The following TTC1 variants were observed in gnomAD, a reference collection of about 807,000 sequenced individuals.
TTC1 encodes tetratricopeptide repeat protein 1.
In TTC1, 31 loss-of-function variants were observed where a neutral mutation model predicts 37.6. That is an observed-to-expected ratio of 0.82 (90% CI 0.62 to 1.11). TTC1 has a LOEUF of 1.11. TTC1 is among the 50% of genes most tolerant of loss of function. The probability of loss-of-function intolerance (pLI) is 0.00; values close to 1 mark genes in which losing one functional copy is unlikely to be tolerated. For missense variants in TTC1, 351 were observed against 339.0 expected (o/e 1.04, Z -0.28); for synonymous variants, 127 against 122.4 (o/e 1.04, Z -0.25).
chr5:160,036,847 G>A (rs1335200745), intron 4 of TTC1, 44 bp downstream of exon 4: 3 of 1,397,692 alleles, frequency 2.1e-6, no homozygotes, highest in East Asian at 2.3e-5. Context: ...ACATGGACTT[G>A]CAGTCTTTTC....
intron 2 of TTC1, among the ~76,000 whole-genome samples, chr5:160,020,214 T>C (rs1756681462): frequency 1.3e-5 from 2 of 152,222 alleles, no homozygotes; most frequent in Non-Finnish European, 2.9e-5. Flanking sequence ...ATAGGCATCC[T>C]TTGGAACTAA....
intron 3 of TTC1, 111 bp from the exon 4 acceptor site, chr5:160,036,580 A>T: frequency 1.4e-6 from 1 of 715,986 alleles, no homozygotes; most frequent in Non-Finnish European, 2.4e-6. Context: ...CCATCTTTTA[A>T]CTCAAAACCT....
At position 160,038,315 on chromosome 5, in the gene TTC1, T is replaced by C. The variant is rs559977259; in HGVS notation, c.504+1512T>C. On this transcript the variant is annotated intron_variant, in intron 4 of 7. Coordinates refer to ENST00000231238, the MANE Select transcript of TTC1 (RefSeq NM_003314.3). ...CAGTTTTTACACTTACCTGGAAAAT[T>C]CTGATCTTTTAGATTTGCTTCTCCC... Among the ~76,000 whole-genome samples, 3 of 152,354 alleles carry C rather than the reference T, an allele frequency of 2.0e-5. No individual in the cohort carries two copies. In the South Asian group the frequency reaches 6.2e-4, roughly 32 times the overall value.
intron 7 of TTC1, among the ~76,000 whole-genome samples, chr5:160,052,529 C>T (rs1464086539): frequency 4.1e-5 from 4 of 96,792 alleles, no homozygotes; most frequent in African/African-American, 1.2e-4. Context: ...TTTTTACTAA[C>T]AATGATGCTC....
chr5:160,010,308 G>A (rs1033452851), intron 1 of TTC1, among the ~76,000 whole-genome samples, 192 bp from the exon 2 acceptor site: 1 of 148,604 alleles, frequency 6.7e-6, no homozygotes, highest in African/African-American at 2.5e-5. Context: ...GACCAGAAAA[G>A]GGGTCTCAGT....
At chr5:160,058,272 C>T (rs1343733093) in intron 7 of TTC1, among the ~76,000 whole-genome samples, 1 of 152,234 alleles carries the variant, frequency 6.6e-6, no homozygotes, top group Non-Finnish European at 1.5e-5. Context: ...ATTGTCACCA[C>T]ATCTGCAGCA....
Position 160,014,315 on chromosome 5 carries a change from G to A in TTC1, c.330+3457G>A, listed in dbSNP as rs182241898. Among the ~76,000 whole-genome samples, 402 of 151,960 alleles carry A rather than the reference G, an allele frequency of 2.6e-3. 1 individual carries two copies. The highest frequency in any genetic ancestry group is 9.2e-3 in the African/African-American group (379 of 41,390). On this transcript the variant is annotated intron_variant, in intron 2 of 7. Coordinates refer to ENST00000231238, the MANE Select transcript of TTC1 (RefSeq NM_003314.3). The stretch of plus-strand genomic sequence containing the variant: ...CGAGGTTGCAGTGAGCCGAGATTGG[G>A]CCATTGCACTCCAGCCTGGGAGACA...
intron 4 of TTC1, 30 bp from the exon 5 acceptor site, chr5:160,043,103 A>G: frequency 6.2e-7 from 1 of 1,610,762 alleles, no homozygotes; most frequent in Non-Finnish European, 8.5e-7. Context: ...AAACTAGGGC[A>G]ACACATATTA....
chr5:160,041,310 TTTC>T (rs1462028936), intron 4 of TTC1, among the ~76,000 whole-genome samples: 1 of 143,256 alleles, frequency 7.0e-6, no homozygotes, highest in Non-Finnish European at 1.6e-5. Flanking sequence ...TTATGCTTTC[TTTC>T]TTTTTTTTTT....
intron 4 of TTC1, 91 bp downstream of exon 4, chr5:160,036,894 T>C: frequency 1.2e-6 from 1 of 865,848 alleles, no homozygotes; most frequent in East Asian, 2.6e-5. Flanking sequence ...GCATAGAGGT[T>C]GCTGCCTCCC....
chr5:160,044,391 G>A (rs1263976631), intron 5 of TTC1, among the ~76,000 whole-genome samples: 1 of 152,176 alleles, frequency 6.6e-6, no homozygotes, highest in Non-Finnish European at 1.5e-5. Context: ...GCAGCAATGT[G>A]GGCTGCTCAG....
chr5:160,009,442 G>C (rs193165242), intron 1 of TTC1, among the ~76,000 whole-genome samples: 23 of 152,210 alleles, frequency 1.5e-4, no homozygotes, highest in African/African-American at 5.5e-4. Flanking sequence ...CGTGATACAA[G>C]GGTCGTTGGC....
At chr5:160,011,100 A>G (rs1400564459) in intron 2 of TTC1, among the ~76,000 whole-genome samples, 1 of 152,230 alleles carries the variant, frequency 6.6e-6, no homozygotes, top group Non-Finnish European at 1.5e-5. Flanking sequence ...TTCATCTTGT[A>G]CTTCAGGAGT....
At position 160,065,067 on chromosome 5, in the gene TTC1, A is replaced by G; in HGVS notation, c.*2A>G. 1 of 1,608,392 alleles carries G rather than the reference A, an allele frequency of 6.2e-7. No homozygotes were observed. The highest frequency in any genetic ancestry group is 8.5e-7 in the Non-Finnish European group (1 of 1,178,846). ...CAAAATCCAAATAATAACAGATAACAAAGATAACAAAAGCTTTACAAGCTG... is the reference window on the plus strand; with the variant it reads ...CAAAATCCAAATAATAACAGATAACGAAGATAACAAAAGCTTTACAAGCTG... On this transcript the variant is annotated 3_prime_UTR_variant, in exon 8 of 8. Coordinates refer to ENST00000231238, the MANE Select transcript of TTC1 (RefSeq NM_003314.3).
In TTC1 at chr5:160,059,092, G is replaced by A. The variant is rs986571047; in HGVS notation, c.746-5840G>A. On this transcript the variant is annotated intron_variant, in intron 7 of 7. Coordinates refer to ENST00000231238, the MANE Select transcript of TTC1 (RefSeq NM_003314.3). ...ACTTAAAGTCACCAGCTGTATTATC[G>A]CCTAACAAGAGAGTCAGCCTATCCT... is the stretch of plus-strand genomic sequence containing the variant. 6.6e-5 allele frequency among the ~76,000 whole-genome samples: 10 copies of A among 152,046 alleles called. No homozygotes were observed. In the East Asian group the frequency reaches 7.7e-4, roughly 12 times the overall value.
intron 6 of TTC1, 143 bp downstream of exon 6, chr5:160,049,805 C>T: frequency 1.4e-6 from 1 of 731,506 alleles, no homozygotes; most frequent in Non-Finnish European, 2.0e-6. Flanking sequence ...AGGCCAGGCG[C>T]AGTGGCTCTT....
chr5:160,035,227 C>G lies in TTC1; in HGVS notation c.391+27C>G, dbSNP rs1361275650. ...TAAGACGACTTTCAGCACTGATAAT[C>G]TGGTCATCTTGACTCCTCATCCTGT... On this transcript the variant is annotated intron_variant, in intron 3 of 7. Transcript: ENST00000231238. 3.8e-6 allele frequency: 6 copies of G among 1,574,448 alleles called. No homozygotes were observed. In the Admixed American group the frequency reaches 9.3e-5, roughly 24 times the overall value.
chr5:160,010,728 G>A lies in TTC1; in HGVS notation c.200G>A (p.Ser67Asn). ...GAAGAGGAGTGTTTTCATGACTGCA[G>A]TGCCTCATTTGAGGAGGAGCCAGGA... ...QGEEECFHDC[S>N]ASFEEEPGAD... The change falls in exon 2 of 8, where the codon AGT becomes AAT. Residue 67 changes from serine (S) to asparagine (N), a missense_variant. Coordinates refer to ENST00000231238, the MANE Select transcript of TTC1 (RefSeq NM_003314.3). 1.2e-6 allele frequency: 2 copies of A among 1,614,014 alleles called. No individual in the cohort carries two copies. Among genetic ancestry groups the A allele is most frequent in the Non-Finnish European group, 1.7e-6 (2 of 1,179,946 alleles).
At chr5:160,045,103 T>G (rs1757180743) in intron 5 of TTC1, among the ~76,000 whole-genome samples, 1 of 152,138 alleles carries the variant, frequency 6.6e-6, no homozygotes. Flanking sequence ...AAGTTTAAAT[T>G]AGGAACAAGC....
Sources: allele counts gnomAD v4.1 joint callset (sites outside exome capture counted in the v4.1 genomes callset), GRCh38; gene constraint gnomAD v4.1.1; transcripts MANE v1.5; gene names NCBI Gene and HGNC (gene_info 2026-07-23, HGNC 2026-07-21).